Variants in COL10A1 observed in about 807,000 individuals in gnomAD.
COL10A1 encodes collagen alpha-1(X) chain.
A neutral mutation model predicts 18.2 loss-of-function variants in COL10A1; 10 were observed. That is an observed-to-expected ratio of 0.55 (90% CI 0.34 to 0.93). The LOEUF (loss-of-function observed/expected upper bound fraction) is 0.93, where lower values mean the gene tolerates loss of function less well. COL10A1 is among the 40% of genes least tolerant of loss of function. COL10A1 has a pLI of 0.02. For synonymous variants in COL10A1, 330 were observed against 316.6 expected (o/e 1.04, Z -0.45); for missense variants, 897 against 853.5 (o/e 1.05, Z -0.64).
At chr6:116,149,824 C>T (rs534443901) in intron 1 of COL10A1, among the ~76,000 whole-genome samples, 181 of 152,232 alleles carry the variant, frequency 1.2e-3, no homozygotes, top group African/African-American at 4.2e-3. Context: ...AATGAGTCTC[C>T]CTTCTTTAGA....
chr6:116,174,439 A>C, the COL10A1 span, among the ~76,000 whole-genome samples: 5 of 152,252 alleles, frequency 3.3e-5, no homozygotes, highest in Non-Finnish European at 7.3e-5. Flanking sequence ...GACGATATGC[A>C]TGATTAATGA....
chr6:116,145,905 C>T (rs2114380909), intron 1 of COL10A1, among the ~76,000 whole-genome samples: 1 of 152,276 alleles, frequency 6.6e-6, no homozygotes, highest in East Asian at 1.9e-4. Context: ...GAGCAGCAAA[C>T]ACCTGTTTTG....
chr6:116,206,782 T>C, the COL10A1 span, among the ~76,000 whole-genome samples: 1 of 152,010 alleles, frequency 6.6e-6, no homozygotes, highest in Non-Finnish European at 1.5e-5. Flanking sequence ...CCATAGTTTT[T>C]AGATAAACTG....
chr6:116,154,531 G>GA (rs201589052), intron 1 of COL10A1, among the ~76,000 whole-genome samples: 5 of 150,574 alleles, frequency 3.3e-5, no homozygotes, highest in South Asian at 2.1e-4. Flanking sequence ...AAATGCTGAT[G>GA]AAAAAAAAAT....
chr6:116,216,752 A>T, the COL10A1 span, among the ~76,000 whole-genome samples: 2 of 152,142 alleles, frequency 1.3e-5, no homozygotes, highest in Non-Finnish European at 2.9e-5. Flanking sequence ...TAAACAAAAT[A>T]AATTTATCTC....
intron 1 of COL10A1, among the ~76,000 whole-genome samples, chr6:116,152,347 T>C (rs951291586): frequency 3.3e-5 from 5 of 152,198 alleles, no homozygotes; most frequent in Non-Finnish European, 5.9e-5. Flanking sequence ...CCCATTCCTT[T>C]CTTTCTGGCC....
chr6:116,143,579 C>T (rs1273991004), intron 1 of COL10A1, among the ~76,000 whole-genome samples: 4 of 151,994 alleles, frequency 2.6e-5, no homozygotes, highest in Admixed American at 2.6e-4. Context: ...TTTTTTAATC[C>T]TATGAAAATT....
At chr6:116,156,010 GA>G (rs1780183968) in intron 1 of COL10A1, among the ~76,000 whole-genome samples, 1 of 152,126 alleles carries the variant, frequency 6.6e-6, no homozygotes, top group Non-Finnish European at 1.5e-5. Context: ...TCAAGTTCAA[GA>G]GTAGCTTTTA....
chr6:116,121,925 G>T lies in COL10A1; in HGVS notation c.191C>A (p.Pro64Gln). 6.2e-7 allele frequency: 1 copy of T among 1,613,604 alleles called. No homozygotes were observed. The highest frequency in any genetic ancestry group is 1.1e-5 in the South Asian group (1 of 91,062). The change falls in exon 3 of 3, where the codon CCA becomes CAA. Residue 64 changes from proline to glutamine, a missense_variant. Coordinates refer to ENST00000651968, the MANE Select transcript of COL10A1 (RefSeq NM_000493.4). ...CCCTCGAGGTCCAGCAGGGCCTGGT[G>T]GACCAGGAGTACCTTGCTCTCCTCT... ...AVRGEQGTPG[P>Q]PGPAGPRGHP...
the COL10A1 span, among the ~76,000 whole-genome samples, chr6:116,182,222 A>AGAGTGTGTGTGTGTGTGT: frequency 1.5e-3 from 193 of 124,676 alleles, no homozygotes; most frequent in South Asian, 2.8e-3. Flanking sequence ...TTCCATGGAG[A>AGAGTGTGTGTGTGTGTGT]GTGTGTGTGT....
chr6:116,196,445 T>G, the COL10A1 span, among the ~76,000 whole-genome samples: 6,197 of 152,054 alleles, frequency 0.041, 420 homozygotes, highest in African/African-American at 0.14. Flanking sequence ...TTCCCCAAAC[T>G]ATAAATCAAC....
the COL10A1 span, among the ~76,000 whole-genome samples, chr6:116,178,492 T>C: frequency 6.6e-6 from 1 of 152,208 alleles, no homozygotes; most frequent in East Asian, 1.9e-4. Context: ...TAAAAGAGAT[T>C]ACTGCAATGA....
At chr6:116,131,801 T>G (rs970685431) in intron 1 of COL10A1, among the ~76,000 whole-genome samples, 1 of 152,118 alleles carries the variant, frequency 6.6e-6, no homozygotes, top group Non-Finnish European at 1.5e-5. Context: ...CATTAGTTAT[T>G]TTTCCTAATC....
chr6:116,133,393 A>G (rs1325964347), intron 1 of COL10A1, among the ~76,000 whole-genome samples: 2 of 152,188 alleles, frequency 1.3e-5, no homozygotes, highest in Non-Finnish European at 1.5e-5. Flanking sequence ...AACACTTTTT[A>G]TTTAGATCTC....
chr6:116,212,619 T>C, the COL10A1 span, among the ~76,000 whole-genome samples: 1 of 152,162 alleles, frequency 6.6e-6, no homozygotes, highest in South Asian at 2.1e-4. Flanking sequence ...ATCTTTAAAA[T>C]GCATATTCCT....
the COL10A1 span, among the ~76,000 whole-genome samples, chr6:116,178,656 A>C: frequency 6.6e-6 from 1 of 152,246 alleles, no homozygotes; most frequent in African/African-American, 2.4e-5. Flanking sequence ...GTTTTGGTAA[A>C]GGCAATTTTA....
intron 1 of COL10A1, among the ~76,000 whole-genome samples, chr6:116,152,928 A>G (rs1780085007): frequency 6.6e-6 from 1 of 152,130 alleles, no homozygotes; most frequent in African/African-American, 2.4e-5. Context: ...TAAATAACCT[A>G]TAATCCTCCT....
chr6:116,135,866 TATATATAC>T (rs1280012541), intron 1 of COL10A1, among the ~76,000 whole-genome samples: 3,677 of 109,278 alleles, frequency 0.034, 169 homozygotes, highest in African/African-American at 0.099. Context: ...TATATATATA[TATATATAC>T]ACACATACAC....
chr6:116,154,324 C>G (rs531484040), intron 1 of COL10A1, among the ~76,000 whole-genome samples: 3 of 152,020 alleles, frequency 2.0e-5, no homozygotes, highest in Non-Finnish European at 2.9e-5. Flanking sequence ...TCACTGAGGC[C>G]GGGATTTCTT....
Sources: gnomAD v4.1 joint callset for allele counts (sites outside exome capture counted in the v4.1 genomes callset) on GRCh38, gnomAD v4.1.1 for gene constraint, MANE v1.5 for transcripts, NCBI Gene and HGNC (gene_info 2026-07-23, HGNC 2026-07-21) for gene names.